Variants in PTPRD observed in about 807,000 individuals in gnomAD.
PTPRD encodes protein tyrosine phosphatase receptor type D, also known as receptor-type tyrosine-protein phosphatase delta.
In PTPRD, 34 loss-of-function variants were observed where a neutral mutation model predicts 214.5. That is an observed-to-expected ratio of 0.16 (90% CI 0.12 to 0.21). The LOEUF (loss-of-function observed/expected upper bound fraction) is 0.21, where lower values mean the gene tolerates loss of function less well. Ranked by LOEUF, PTPRD falls within the 10% of genes least tolerant of loss-of-function variation. The probability of loss-of-function intolerance (pLI) is 1.00; values close to 1 mark genes in which losing one functional copy is unlikely to be tolerated. For synonymous variants in PTPRD, 1,128 were observed against 845.7 expected (o/e 1.33, Z -5.79); for missense variants, 2,545 against 2,398.7 (o/e 1.06, Z -1.27).
At chr9:10,518,593 C>T (rs1460043474) in intron 2 of PTPRD, among the ~76,000 whole-genome samples, 1 of 151,460 alleles carries the variant, frequency 6.6e-6, no homozygotes, top group Non-Finnish European at 1.5e-5. Context: ...AGTGCAGCGG[C>T]CCAATCTTGG....
chr9:9,908,037 G>A (rs1045592264), intron 5 of PTPRD, among the ~76,000 whole-genome samples: 1 of 151,030 alleles, frequency 6.6e-6, no homozygotes, highest in Non-Finnish European at 1.5e-5. Flanking sequence ...ATTATAATAT[G>A]AGAACATATA....
At chr9:9,878,477 A>G (rs1232586882) in intron 5 of PTPRD, among the ~76,000 whole-genome samples, 1 of 152,192 alleles carries the variant, frequency 6.6e-6, no homozygotes, top group Non-Finnish European at 1.5e-5. Context: ...GACTTAAAGG[A>G]TGAATAGGCA....
chr9:9,455,303 A>T (rs1337058689), intron 8 of PTPRD, among the ~76,000 whole-genome samples: 1 of 151,618 alleles, frequency 6.6e-6, no homozygotes, highest in Non-Finnish European at 1.5e-5. Context: ...ATTTTTAAAA[A>T]TATTAATGTA....
chr9:10,231,707 A>G (rs972248076), intron 3 of PTPRD, among the ~76,000 whole-genome samples: 5 of 151,976 alleles, frequency 3.3e-5, no homozygotes, highest in African/African-American at 9.7e-5. Context: ...ATTTACATTT[A>G]TTAACTTTGT....
intron 2 of PTPRD, among the ~76,000 whole-genome samples, chr9:10,552,727 G>C (rs2061611066): frequency 6.6e-6 from 1 of 151,958 alleles, no homozygotes; most frequent in African/African-American, 2.4e-5. Flanking sequence ...CAGTCTTCTA[G>C]AGAAAAGAGA....
At chr9:8,552,606 G>T (rs145223704) in intron 14 of PTPRD, among the ~76,000 whole-genome samples, 6 of 152,200 alleles carry the variant, frequency 3.9e-5, no homozygotes, top group Admixed American at 2.6e-4. Context: ...TCCAACCAGC[G>T]ACCAGATCAG....
At chr9:9,420,501 G>A (rs1490265273) in intron 8 of PTPRD, among the ~76,000 whole-genome samples, 5 of 151,818 alleles carry the variant, frequency 3.3e-5, no homozygotes, top group Admixed American at 1.3e-4. Context: ...TACCTACACT[G>A]TAATCGGGGA....
At chr9:10,467,754 G>C (rs2099004283) in intron 2 of PTPRD, among the ~76,000 whole-genome samples, 1 of 151,968 alleles carries the variant, frequency 6.6e-6, no homozygotes, top group Admixed American at 6.6e-5. Flanking sequence ...AAATATAAAA[G>C]GATAGCTACA....
At chr9:9,348,080 AGAGAGTTGATT>A (rs2049595472) in intron 9 of PTPRD, among the ~76,000 whole-genome samples, 1 of 152,154 alleles carries the variant, frequency 6.6e-6, no homozygotes, top group African/African-American at 2.4e-5. Flanking sequence ...CAATCAAGCT[AGAGAGTTGATT>A]GAATAGGTTG....
intron 7 of PTPRD, among the ~76,000 whole-genome samples, chr9:9,579,951 G>C (rs2090220303): frequency 6.6e-6 from 1 of 152,044 alleles, no homozygotes; most frequent in Non-Finnish European, 1.5e-5. Flanking sequence ...AGAATATGCA[G>C]TATTTTTCCT....
At chr9:8,804,977 G>C (rs907890216) in intron 11 of PTPRD, among the ~76,000 whole-genome samples, 3 of 152,164 alleles carry the variant, frequency 2.0e-5, no homozygotes, top group Non-Finnish European at 4.4e-5. Context: ...TTCTATTTCT[G>C]CTGTAACAGA....
At chr9:9,083,444 A>C (rs946253583) in intron 10 of PTPRD, among the ~76,000 whole-genome samples, 5 of 152,312 alleles carry the variant, frequency 3.3e-5, no homozygotes, top group Middle Eastern at 3.4e-3. Context: ...CCATACTATA[A>C]ATCTCCTAGA....
chr9:9,500,177 G>T (rs1169002430), intron 8 of PTPRD, among the ~76,000 whole-genome samples: 2 of 152,006 alleles, frequency 1.3e-5, no homozygotes, highest in East Asian at 1.9e-4. Context: ...TTTATGAAAA[G>T]TAATAAAACA....
intron 2 of PTPRD, among the ~76,000 whole-genome samples, chr9:10,417,632 T>C (rs1191005484): frequency 6.6e-6 from 1 of 151,658 alleles, no homozygotes; most frequent in African/African-American, 2.4e-5. Flanking sequence ...TAAATATAGA[T>C]TCTGAAGCAT....
In PTPRD at chr9:9,745,195, T is replaced by G. The variant is rs1046902908; in HGVS notation, c.-325-10624A>C. Among the ~76,000 whole-genome samples the G allele has an allele frequency of 3.3e-5, 5 of 152,264 alleles. No homozygotes were observed. In the East Asian group the frequency reaches 9.7e-4, roughly 29 times the overall value. On this transcript the variant is annotated intron_variant, in intron 6 of 45. Coordinates refer to ENST00000381196, the MANE Select transcript of PTPRD (RefSeq NM_002839.4). ...GCACTATAGTTTATCATGTCTCTAC[T>G]TTTTCTTGTGCAATTTTTATAACAT...
intron 12 of PTPRD, among the ~76,000 whole-genome samples, chr9:8,652,586 G>A (rs1353698815): frequency 6.6e-6 from 1 of 152,208 alleles, no homozygotes; most frequent in Non-Finnish European, 1.5e-5. Context: ...CACCATTTTA[G>A]GACCTCCTCC....
At chr9:10,554,244 T>C (rs1384167651) in intron 2 of PTPRD, among the ~76,000 whole-genome samples, 2 of 152,154 alleles carry the variant, frequency 1.3e-5, no homozygotes, top group South Asian at 2.1e-4. Context: ...TTTCAGGATG[T>C]TACTTTTTCC....
At chr9:10,094,498 G>C (rs1416319417) in intron 3 of PTPRD, among the ~76,000 whole-genome samples, 1 of 145,510 alleles carries the variant, frequency 6.9e-6, no homozygotes, top group East Asian at 2.0e-4. Context: ...AAAATCATTA[G>C]AAATAAATAA....
At chr9:9,632,624 A>G (rs1442615267) in intron 7 of PTPRD, among the ~76,000 whole-genome samples, 2 of 152,012 alleles carry the variant, frequency 1.3e-5, no homozygotes, top group Non-Finnish European at 2.9e-5. Flanking sequence ...TAAAAAAAAA[A>G]AGGAGAGATA....
Sources: gnomAD v4.1 joint callset for allele counts (sites outside exome capture counted in the v4.1 genomes callset) on GRCh38, gnomAD v4.1.1 for gene constraint, MANE v1.5 for transcripts, NCBI Gene and HGNC (gene_info 2026-07-23, HGNC 2026-07-21) for gene names.